Variants in RCSD1 observed in about 807,000 individuals in gnomAD.
The protein encoded by RCSD1 is RCSD domain containing 1.
RCSD1 carries 26 observed loss-of-function variants against 42.5 expected under a neutral mutation model. That is an observed-to-expected ratio of 0.61 (90% CI 0.45 to 0.85). The LOEUF (loss-of-function observed/expected upper bound fraction) is 0.85, where lower values mean the gene tolerates loss of function less well. RCSD1 is among the 40% of genes least tolerant of loss of function. RCSD1 has a pLI of 0.00. For synonymous variants in RCSD1, 220 were observed against 212.2 expected (o/e 1.04, Z -0.32); for missense variants, 571 against 528.3 (o/e 1.08, Z -0.79).
At chr1:167,700,308 C>T (rs1239468991) in intron 6 of RCSD1, among the ~76,000 whole-genome samples, 2 of 152,008 alleles carry the variant, frequency 1.3e-5, no homozygotes, top group African/African-American at 2.4e-5. Context: ...TGACTGAGAC[C>T]CCTGGGTTAA....
chr1:167,694,145 C>A lies in RCSD1; in HGVS notation c.317C>A (p.Pro106His). Residue 106 changes from proline to histidine, a missense_variant, in exon 5 of 7, where the codon CCC becomes CAC. By Grantham distance (77) the Pro-to-His change is moderately conservative. Coordinates refer to ENST00000367854, the MANE Select transcript of RCSD1 (RefSeq NM_052862.4). ...DPAALLPGASPKSPGLKAMVS... is the reference protein window; with the variant it reads ...DPAALLPGASHKSPGLKAMVS... Reference sequence around the variant, plus strand: ...GCTGCTCTACTGCCTGGGGCCTCACCCAAGAGTCCTGGACTCAAGGCTATG... The same window carrying A: ...GCTGCTCTACTGCCTGGGGCCTCACACAAGAGTCCTGGACTCAAGGCTATG... 6.2e-7 allele frequency: 1 copy of A among 1,614,140 alleles called. No individual in the cohort carries two copies. The highest frequency in any genetic ancestry group is 8.5e-7 in the Non-Finnish European group (1 of 1,180,020).
At chr1:167,656,558 G>T (rs948692039) in intron 1 of RCSD1, among the ~76,000 whole-genome samples, 3 of 152,080 alleles carry the variant, frequency 2.0e-5, no homozygotes, top group Non-Finnish European at 4.4e-5. Context: ...AGATCATTTG[G>T]TGACACTGGG....
rs1558092810 is a variant in RCSD1, at chr1:167,694,281, TCATCTGC to T, written c.455_461del (p.His152ProfsTer12). ...GCTTCGACCAGCCCCCTGAAGGCAG[TCATCTGC>T]CCTGTTACAACAAGGTAAATTCTAG... On this transcript the variant is annotated frameshift_variant, in exon 5 of 7. Coordinates refer to ENST00000367854, the MANE Select transcript of RCSD1 (RefSeq NM_052862.4). LOFTEE classifies it high-confidence loss of function. 1.2e-6 allele frequency: 2 copies of T among 1,614,104 alleles called. No homozygotes were observed. The highest frequency in any genetic ancestry group is 2.2e-5 in the East Asian group (1 of 44,872).
chr1:167,704,295 G>T (rs1659707370), intron 6 of RCSD1, among the ~76,000 whole-genome samples: 1 of 146,978 alleles, frequency 6.8e-6, no homozygotes, highest in East Asian at 2.0e-4. Flanking sequence ...AAGATAGAGG[G>T]AACTCAGGCA....
At chr1:167,672,839 C>T (rs1658842447) in intron 1 of RCSD1, among the ~76,000 whole-genome samples, 1 of 152,214 alleles carries the variant, frequency 6.6e-6, no homozygotes, top group Admixed American at 6.5e-5. Flanking sequence ...GCTTAATTGT[C>T]CCTGTTCCAC....
chr1:167,658,515 T>C (rs1481901850), intron 1 of RCSD1, among the ~76,000 whole-genome samples: 1 of 152,174 alleles, frequency 6.6e-6, no homozygotes, highest in African/African-American at 2.4e-5. Flanking sequence ...AACCTCCGCC[T>C]CCTGGGTTCA....
At chr1:167,694,055 C>A (rs772785692) in intron 4 of RCSD1, 44 bp from the exon 5 acceptor site, 4 of 1,594,218 alleles carry the variant, frequency 2.5e-6, no homozygotes, top group Non-Finnish European at 3.4e-6. Flanking sequence ...AGGCTCTGAT[C>A]TTCTCCCTAG....
chr1:167,647,928 C>CT (rs1217683683), intron 1 of RCSD1, among the ~76,000 whole-genome samples: 4 of 151,850 alleles, frequency 2.6e-5, no homozygotes, highest in South Asian at 2.1e-4. Context: ...TTTTCTTTTT[C>CT]TTTTTTTTGT....
chr1:167,634,647 GA>G (rs537600075), intron 1 of RCSD1, among the ~76,000 whole-genome samples: 5 of 151,984 alleles, frequency 3.3e-5, no homozygotes, highest in African/African-American at 1.2e-4. Flanking sequence ...GAGGGCACTT[GA>G]AAAAAAGTAT....
chr1:167,644,337 G>A (rs1049438334), intron 1 of RCSD1, among the ~76,000 whole-genome samples: 1 of 152,020 alleles, frequency 6.6e-6, no homozygotes, highest in African/African-American at 2.4e-5. Context: ...AAATTAGCTG[G>A]GTGTGGTGGT....
chr1:167,701,321 TTTTA>T, intron 6 of RCSD1, among the ~76,000 whole-genome samples: 1 of 148,784 alleles, frequency 6.7e-6, no homozygotes, highest in African/African-American at 2.5e-5. Context: ...TCTTTCTTTT[TTTTA>T]GATGGAGTGT....
At chr1:167,685,610 G>A in intron 3 of RCSD1, 100 bp downstream of exon 3, 2 of 885,218 alleles carry the variant, frequency 2.3e-6, no homozygotes, top group South Asian at 3.0e-5. Flanking sequence ...ATACTTTAAA[G>A]CTCAGACTCT....
Position 167,697,229 on chromosome 1 carries a change from A to G in RCSD1, c.605A>G (p.Asp202Gly). ...CAGCAGAACGGTGCTAAGGAAGAGG[A>G]TGGGGATGAAGTGTTGCCATCCAAG... ...SSQQNGAKEE[D>G]GDEVLPSKSK... The change falls in exon 6 of 7, where the codon GAT becomes GGT. Residue 202 changes from aspartate (D) to glycine (G), a missense_variant. Coordinates refer to ENST00000367854, the MANE Select transcript of RCSD1 (RefSeq NM_052862.4). 1 of 1,614,196 alleles carries G rather than the reference A, an allele frequency of 6.2e-7. No individual in the cohort carries two copies. The highest frequency in any genetic ancestry group is 8.5e-7 in the Non-Finnish European group (1 of 1,180,044).
intron 1 of RCSD1, among the ~76,000 whole-genome samples, chr1:167,653,210 T>C (rs1218871604): frequency 1.3e-5 from 2 of 152,240 alleles, no homozygotes; most frequent in Non-Finnish European, 2.9e-5. Context: ...AAACTATAAC[T>C]TTGGGTTGGT....
At chr1:167,678,737 G>A (rs771535490) in intron 1 of RCSD1, among the ~76,000 whole-genome samples, 12 of 152,096 alleles carry the variant, frequency 7.9e-5, no homozygotes, top group Non-Finnish European at 1.2e-4. Context: ...CACAAACTGC[G>A]CGCTCTGGTC....
chr1:167,644,286 C>A (rs919917257), intron 1 of RCSD1, among the ~76,000 whole-genome samples: 3 of 152,192 alleles, frequency 2.0e-5, no homozygotes, highest in African/African-American at 7.2e-5. Flanking sequence ...TTGAGACCAG[C>A]CTGACCAACA....
At chr1:167,685,031 ATAATTTC>A (rs1166810381) in intron 2 of RCSD1, among the ~76,000 whole-genome samples, 1 of 152,230 alleles carries the variant, frequency 6.6e-6, no homozygotes, top group Non-Finnish European at 1.5e-5. Context: ...GATCAGGTTC[ATAATTTC>A]TAGACAGTAC....
Position 167,685,558 on chromosome 1 carries a change from T to C in RCSD1, c.198+48T>C, listed in dbSNP as rs781677664. The C allele has an allele frequency of 7.8e-6, 12 of 1,531,524 alleles. No individual in the cohort carries two copies. In the South Asian group the frequency reaches 1.4e-4, roughly 17 times the overall value. The allele number at this position is 1,531,524 out of a possible 1,614,324, so 94.9% of individuals were successfully genotyped here. On this transcript the variant is annotated intron_variant, in intron 3 of 6. Transcript: ENST00000367854. ...AGAGGATGCTGTGATGGGTTTTCTTTCCTCTTCTTGAGGAAAGTTTGGAGG... is the reference window on the plus strand; with the variant it reads ...AGAGGATGCTGTGATGGGTTTTCTTCCCTCTTCTTGAGGAAAGTTTGGAGG...
At chr1:167,654,974 C>T (rs1022134022) in intron 1 of RCSD1, among the ~76,000 whole-genome samples, 1 of 152,106 alleles carries the variant, frequency 6.6e-6, no homozygotes, top group Non-Finnish European at 1.5e-5. Context: ...CAGACCCAGC[C>T]GTCATGTCTT....
Sources: allele counts gnomAD v4.1 joint callset (sites outside exome capture counted in the v4.1 genomes callset), GRCh38; gene constraint gnomAD v4.1.1; transcripts MANE v1.5; gene names NCBI Gene and HGNC (gene_info 2026-07-23, HGNC 2026-07-21).